Variants in RAP1GAP2 observed in about 807,000 individuals in gnomAD.
The protein encoded by RAP1GAP2 is RAP1 GTPase activating protein 2, also known as rap1 GTPase-activating protein 2.
Under a neutral mutation model 95.0 loss-of-function variants are expected in RAP1GAP2, and 27 were observed. That is an observed-to-expected ratio of 0.28 (90% confidence interval 0.21 to 0.39). The LOEUF (loss-of-function observed/expected upper bound fraction) is 0.39, where lower values mean the gene tolerates loss of function less well. Among genes scored for constraint, RAP1GAP2 ranks in the 10% least tolerant of loss-of-function variants. The pLI is 1.00. For missense variants in RAP1GAP2, 771 were observed against 970.0 expected (o/e 0.79, Z 2.72); for synonymous variants, 373 against 380.9 (o/e 0.98, Z 0.24).
chr17:3,031,126 G>C lies in RAP1GAP2; in HGVS notation c.2184+128G>C. 2.8e-6 allele frequency: 3 copies of C among 1,060,352 alleles called. No homozygotes were observed. The South Asian group carries it at 4.2e-5, about 15-fold the overall frequency. 65.7% of individuals were successfully genotyped at this position (1,060,352 alleles called of 1,614,324 possible). On this transcript the variant is annotated intron_variant, in intron 23 of 24. Transcript: ENST00000254695. ...CCCGAAGGAGGCAGGGGAAGCTCTGGGGACGTCTGGCTCCAGCAGGTGCAG... is the reference window on the plus strand; with the variant it reads ...CCCGAAGGAGGCAGGGGAAGCTCTGCGGACGTCTGGCTCCAGCAGGTGCAG...
chr17:2,935,952 T>C (rs1207698004), intron 3 of RAP1GAP2, among the ~76,000 whole-genome samples: 2 of 152,134 alleles, frequency 1.3e-5, no homozygotes, highest in Non-Finnish European at 1.5e-5. Flanking sequence ...TGATCACTGC[T>C]GGGCATCCTT....
intron 3 of RAP1GAP2, among the ~76,000 whole-genome samples, chr17:2,937,920 C>T (rs991286496): frequency 9.9e-5 from 15 of 152,102 alleles, no homozygotes; most frequent in African/African-American, 3.4e-4. Context: ...CCCCTGGAGA[C>T]ATTTCCTGGC....
intron 3 of RAP1GAP2, among the ~76,000 whole-genome samples, chr17:2,921,058 G>GC (rs1387219301): frequency 3.3e-5 from 5 of 152,084 alleles, no homozygotes; most frequent in South Asian, 4.2e-4. Context: ...TTCTCCCGGA[G>GC]CCCCCCCGGC....
At chr17:2,824,150 A>G (rs2070437301) in intron 2 of RAP1GAP2, among the ~76,000 whole-genome samples, 1 of 145,878 alleles carries the variant, frequency 6.9e-6, no homozygotes, top group South Asian at 2.2e-4. Context: ...AGAAAGAAAA[A>G]AAGAAACAGC....
intron 3 of RAP1GAP2, among the ~76,000 whole-genome samples, chr17:2,919,423 C>G (rs1225428338): frequency 6.6e-6 from 1 of 152,180 alleles, no homozygotes; most frequent in Non-Finnish European, 1.5e-5. Flanking sequence ...CCAAGGCTGG[C>G]GTTGGAATGA....
chr17:2,758,119 T>C (rs1272990048), intron 1 of RAP1GAP2, among the ~76,000 whole-genome samples: 2 of 150,786 alleles, frequency 1.3e-5, no homozygotes, highest in Non-Finnish European at 3.0e-5. Context: ...TCCGCCCGCC[T>C]TGGCCTCTCA....
chr17:2,781,592 G>A (rs1247515518), intron 1 of RAP1GAP2, among the ~76,000 whole-genome samples: 2 of 148,402 alleles, frequency 1.3e-5, no homozygotes, highest in Non-Finnish European at 3.0e-5. Context: ...GTGTGGGCAC[G>A]TCTCTGTGTG....
intron 11 of RAP1GAP2, 149 bp from the exon 12 acceptor site, chr17:2,991,148 C>T (rs2045738165): frequency 1.5e-6 from 1 of 666,388 alleles, no homozygotes; most frequent in Non-Finnish European, 2.6e-6. Flanking sequence ...CTCTCTCCAC[C>T]CCAGTCCCAC....
intron 2 of RAP1GAP2, among the ~76,000 whole-genome samples, chr17:2,838,720 G>C (rs1184766141): frequency 6.6e-6 from 1 of 152,144 alleles, no homozygotes; most frequent in Non-Finnish European, 1.5e-5. Context: ...GTGGTAAGAG[G>C]ACGGGACACA....
At chr17:2,849,278 C>T (rs989516454) in intron 2 of RAP1GAP2, among the ~76,000 whole-genome samples, 1 of 152,146 alleles carries the variant, frequency 6.6e-6, no homozygotes, top group Non-Finnish European at 1.5e-5. Context: ...CCCCCTCGCC[C>T]CCACCCACCC....
At chr17:2,985,645 C>G (rs1173713717) in intron 11 of RAP1GAP2, among the ~76,000 whole-genome samples, 5 of 152,222 alleles carry the variant, frequency 3.3e-5, no homozygotes, top group Non-Finnish European at 7.3e-5. Context: ...TGCTCAGCCT[C>G]TGTGTTTTGT....
intron 3 of RAP1GAP2, among the ~76,000 whole-genome samples, chr17:2,926,626 C>G (rs2042963780): frequency 6.6e-6 from 1 of 152,110 alleles, no homozygotes; most frequent in South Asian, 2.1e-4. Flanking sequence ...TACCCACACA[C>G]TTAGTGGCTT....
chr17:2,862,973 G>A (rs1377366423), intron 2 of RAP1GAP2, among the ~76,000 whole-genome samples: 1 of 146,790 alleles, frequency 6.8e-6, no homozygotes, highest in Non-Finnish European at 1.5e-5. Context: ...CTCCAGCCTG[G>A]GTGACAAAGC....
At chr17:2,966,386 C>G (rs1420271160) in intron 8 of RAP1GAP2, among the ~76,000 whole-genome samples, 2 of 152,188 alleles carry the variant, frequency 1.3e-5, no homozygotes, top group African/African-American at 4.8e-5. Context: ...GAATCTGTGT[C>G]TTATTTATCT....
intron 2 of RAP1GAP2, among the ~76,000 whole-genome samples, chr17:2,843,508 A>T (rs1465317661): frequency 6.6e-6 from 1 of 151,896 alleles, no homozygotes; most frequent in Non-Finnish European, 1.5e-5. Flanking sequence ...GCTGGTCTCG[A>T]ACTCCTGACC....
intron 1 of RAP1GAP2, among the ~76,000 whole-genome samples, chr17:2,799,925 A>T (rs2069210179): frequency 6.6e-6 from 1 of 152,034 alleles, no homozygotes; most frequent in Non-Finnish European, 1.5e-5. Context: ...TCTGCAGCAA[A>T]CGTGATCTTC....
chr17:2,813,578 C>T (rs1404756896), intron 2 of RAP1GAP2, among the ~76,000 whole-genome samples: 7 of 152,176 alleles, frequency 4.6e-5, no homozygotes, highest in African/African-American at 9.6e-5. Flanking sequence ...CTTTGTTTTA[C>T]GGTGCCATCC....
intron 21 of RAP1GAP2, 80 bp from the exon 22 acceptor site, chr17:3,026,864 C>T: frequency 6.7e-7 from 1 of 1,494,600 alleles, no homozygotes; most frequent in Non-Finnish European, 9.0e-7. Flanking sequence ...CTGTCCTGGG[C>T]TTTTGGGGGC....
At position 3,004,226 on chromosome 17, in the gene RAP1GAP2, G is replaced by A. The variant is rs558248195; in HGVS notation, c.1201-1143G>A. Among the ~76,000 whole-genome samples, 8 of 152,348 alleles carry A rather than the reference G, an allele frequency of 5.3e-5. No individual in the cohort carries two copies. The highest frequency in any genetic ancestry group is 3.9e-4 in the Admixed American group (6 of 15,310). On this transcript the variant is annotated intron_variant, in intron 14 of 24. Coordinates refer to ENST00000254695, the MANE Select transcript of RAP1GAP2 (RefSeq NM_015085.5). This position sits in a 1 kb window ranked among gnomAD's most constrained non-coding sequence, Gnocchi z 4.1. ...GCCAGAAATCACGTCAGCCGAACGCGCACCATTTCCTGACTCGGGGCACTG... is the reference window on the plus strand; with the variant it reads ...GCCAGAAATCACGTCAGCCGAACGCACACCATTTCCTGACTCGGGGCACTG...
Sources: allele counts gnomAD v4.1 joint callset (sites outside exome capture counted in the v4.1 genomes callset), GRCh38; gene constraint gnomAD v4.1.1; non-coding constraint Gnocchi (gnomAD v3.1); transcripts MANE v1.5; gene names NCBI Gene and HGNC (gene_info 2026-07-23, HGNC 2026-07-21).